Variants in CEACAM3 observed in about 807,000 individuals in gnomAD.
CEACAM3 encodes the protein cell adhesion molecule CEACAM3.
Under a neutral mutation model 30.1 loss-of-function variants are expected in CEACAM3, and 32 were observed. The ratio of observed to expected loss-of-function variants is 1.06; its 90% confidence interval spans 0.80 to 1.43. The LOEUF (loss-of-function observed/expected upper bound fraction) is 1.43, where lower values mean the gene tolerates loss of function less well. CEACAM3 is among the 40% of genes most tolerant of loss of function. The pLI, the probability that CEACAM3 is intolerant of heterozygous loss-of-function variation, is 0.00. For synonymous variants in CEACAM3, 134 were observed against 127.2 expected (o/e 1.05, Z -0.36); for missense variants, 290 against 316.3 (o/e 0.92, Z 0.63).
Position 41,808,908 on chromosome 19 carries a change from C to A in CEACAM3, c.520C>A (p.Leu174Met), listed in dbSNP as rs2073226137. 1 of 1,595,742 alleles carries A rather than the reference C, an allele frequency of 6.3e-7. No homozygotes were observed. ...VALVAALVCF[L>M]LLAKTGRTSI... is the part of the protein sequence containing the mutation. Reference sequence around the variant, plus strand: ...GCTGGTGGCCGCGCTGGTGTGTTTCCTGCTCCTTGCCAAAACTGGAAGGTA... The same window carrying A: ...GCTGGTGGCCGCGCTGGTGTGTTTCATGCTCCTTGCCAAAACTGGAAGGTA... The change falls in exon 3 of 7, where the codon CTG becomes ATG. Residue 174 changes from leucine (L) to methionine (M), a missense_variant. Physicochemically the swap from Leu to Met is conservative, Grantham distance 15. Coordinates refer to ENST00000357396, the MANE Select transcript of CEACAM3 (RefSeq NM_001815.5).
chr19:41,801,420 G>A (rs931987244), intron 2 of CEACAM3, among the ~76,000 whole-genome samples: 2 of 152,156 alleles, frequency 1.3e-5, no homozygotes, highest in African/African-American at 4.8e-5. Context: ...AGGGACGAGC[G>A]ACTCCTCCAC....
At chr19:41,807,647 C>A in intron 2 of CEACAM3, 1 of 1,181,728 alleles carries the variant, frequency 8.5e-7, no homozygotes, top group Non-Finnish European at 1.1e-6. Flanking sequence ...ACTCAGTGGA[C>A]AGATTGGGTT....
chr19:41,810,253 C>G, intron 4 of CEACAM3, 70 bp from the exon 5 acceptor site: 1 of 1,552,240 alleles, frequency 6.4e-7, no homozygotes, highest in South Asian at 1.2e-5. Flanking sequence ...CTGAGGACCC[C>G]CTACGCCTTC....
At chr19:41,809,437 C>G (rs969200456) in intron 3 of CEACAM3, 2 of 162,324 alleles carry the variant, frequency 1.2e-5, no homozygotes, top group Admixed American at 6.2e-5. Flanking sequence ...GATGGGAGAA[C>G]CTGGGCCTCA....
At chr19:41,802,190 C>T (rs2073155316) in intron 2 of CEACAM3, among the ~76,000 whole-genome samples, 1 of 152,178 alleles carries the variant, frequency 6.6e-6, no homozygotes, top group Admixed American at 6.5e-5. Flanking sequence ...CCCCAAAGCT[C>T]ATGGCTCATT....
Position 41,810,327 on chromosome 19 carries a change from T to C in CEACAM3, c.600T>C (p.Arg200=), listed in dbSNP as rs1488643536. 2.5e-6 allele frequency: 4 copies of C among 1,604,938 alleles called. No individual in the cohort carries two copies. Among genetic ancestry groups the C allele is most frequent in the Non-Finnish European group, 3.4e-6 (4 of 1,176,412 alleles). The change falls in exon 5 of 7, where the codon CGT becomes CGC. Residue 200 remains arginine, a synonymous_variant. Coordinates refer to ENST00000357396, the MANE Select transcript of CEACAM3 (RefSeq NM_001815.5). Reference sequence around the variant, plus strand: ...CACTCCTGTCTCTGTTTCCAGGCCGTGGTCCCTCCCACAGCTCTGCCTTCT... The same window carrying C: ...CACTCCTGTCTCTGTTTCCAGGCCGCGGTCCCTCCCACAGCTCTGCCTTCT... ...EQQPQALAPG[R]GPSHSSAFSM...
intron 2 of CEACAM3, among the ~76,000 whole-genome samples, chr19:41,800,308 C>T (rs560421873): frequency 2.6e-5 from 4 of 152,238 alleles, no homozygotes; most frequent in South Asian, 2.1e-4. Context: ...CTTGGTCTAG[C>T]GGTGACACTA....
At chr19:41,810,157 G>T in intron 4 of CEACAM3, 140 bp downstream of exon 4, 4 of 1,262,342 alleles carry the variant, frequency 3.2e-6, no homozygotes, top group Non-Finnish European at 4.5e-6. Context: ...TCACACAGGG[G>T]ACCCCAATTG....
rs149073935 is a variant in CEACAM3, at chr19:41,810,861, C to G, written c.657C>G (p.Pro219=). 4.5e-4 allele frequency: 733 copies of G among 1,613,528 alleles called. 1 individual carries two copies. Among genetic ancestry groups the G allele is most frequent in the Non-Finnish European group, 5.7e-4 (672 of 1,179,736 alleles). ...SMSPLSTAQA[P]LPNPRTAASI... is the part of the protein sequence containing the mutation. ...CCCCTCTCTCCACTGCCCAGGCCCC[C>G]CTACCCAACCCCAGGACAGCAGCTT... Residue 219 remains proline, a synonymous_variant, in exon 6 of 7, where the codon CCC becomes CCG. Transcript: ENST00000357396.
intron 2 of CEACAM3, among the ~76,000 whole-genome samples, chr19:41,804,712 A>G (rs1350013101): frequency 6.6e-6 from 1 of 152,222 alleles, no homozygotes; most frequent in Non-Finnish European, 1.5e-5. Flanking sequence ...GGTCTTCAGC[A>G]TTTAGCAGAC....
At chr19:41,810,704 C>T in intron 5 of CEACAM3, 128 bp from the exon 6 acceptor site, 2 of 894,994 alleles carry the variant, frequency 2.2e-6, no homozygotes, top group Admixed American at 4.4e-5. Flanking sequence ...GGAGGCTGAG[C>T]TCAGGGGCAG....
chr19:41,809,249 G>A lies in CEACAM3; in HGVS notation c.542+319G>A, dbSNP rs2073229294. 3 of 266,920 alleles carry A rather than the reference G, an allele frequency of 1.1e-5. No homozygotes were observed. In the South Asian group the frequency reaches 2.4e-4, roughly 21 times the overall value. The allele number at this position is 266,920 out of a possible 1,614,324, so 16.5% of individuals were successfully genotyped here. On this transcript the variant is annotated intron_variant, in intron 3 of 6. Coordinates refer to ENST00000357396, the MANE Select transcript of CEACAM3 (RefSeq NM_001815.5). Reference sequence around the variant, plus strand: ...GGAAGTAGGGAGGGAGGGAGGGAGGGCGTGCTCTGTACTTGGTACCTCCCA... The same window carrying A: ...GGAAGTAGGGAGGGAGGGAGGGAGGACGTGCTCTGTACTTGGTACCTCCCA...
At chr19:41,804,200 G>T (rs191716900) in intron 2 of CEACAM3, among the ~76,000 whole-genome samples, 6 of 152,272 alleles carry the variant, frequency 3.9e-5, no homozygotes, top group Admixed American at 3.9e-4. Context: ...ACATGTAATG[G>T]GAATACTGGT....
chr19:41,800,668 G>A (rs1262609467), intron 2 of CEACAM3, among the ~76,000 whole-genome samples: 2 of 152,152 alleles, frequency 1.3e-5, no homozygotes, highest in African/African-American at 4.8e-5. Flanking sequence ...GGCATAAGCT[G>A]TCTTTCTCTT....
Position 41,808,850 on chromosome 19 carries a change from C to T in CEACAM3, c.462C>T (p.Ala154=), listed in dbSNP as rs199861202. 8 of 1,611,644 alleles carry T rather than the reference C, an allele frequency of 5.0e-6. No homozygotes were observed. The highest frequency in any genetic ancestry group is 1.7e-4 in the Middle Eastern group (1 of 6,048). ...CAGGCCTTCCTGTGGGGGCCGTCGC[C>T]GGCATCGTGACCGGGGTCCTGGTCG... ...NAPGLPVGAV[A]GIVTGVLVGV... Residue 154 remains alanine, a synonymous_variant, in exon 3 of 7, where the codon GCC becomes GCT. Coordinates refer to ENST00000357396, the MANE Select transcript of CEACAM3 (RefSeq NM_001815.5).
chr19:41,811,119 C>T, intron 6 of CEACAM3, 53 bp from the exon 7 acceptor site: 1 of 1,584,854 alleles, frequency 6.3e-7, no homozygotes, highest in Non-Finnish European at 8.7e-7. Context: ...GGAGACGCCA[C>T]ACCCTGTTCT....
At chr19:41,805,370 C>A (rs1239811849) in intron 2 of CEACAM3, among the ~76,000 whole-genome samples, 1 of 148,568 alleles carries the variant, frequency 6.7e-6, no homozygotes, top group East Asian at 2.0e-4. Flanking sequence ...TGGCTCACTG[C>A]AACCTCCGCC....
rs1600513143 is a variant in CEACAM3 at position 41,797,365 on chromosome 19, G to C, written c.65-224G>C. 1.1e-5 allele frequency: 6 copies of C among 563,474 alleles called. No individual in the cohort carries two copies. In the East Asian group the frequency reaches 1.8e-4, roughly 17 times the overall value. The allele number at this position is 563,474 out of a possible 1,614,324, so 34.9% of individuals were successfully genotyped here. On this transcript the variant is annotated intron_variant, in intron 1 of 6. Transcript: ENST00000357396. ...GATGTGAGCAGGATCTGAGGGCAGT[G>C]GGGAGGGAGCCATGCAGACCCCTGG... is the stretch of plus-strand genomic sequence containing the variant.
chr19:41,797,299 C>T lies in CEACAM3; in HGVS notation c.65-290C>T, dbSNP rs1446607319. 1.7e-5 allele frequency: 7 copies of T among 418,844 alleles called. No homozygotes were observed. In the East Asian group the frequency reaches 2.9e-4, roughly 17 times the overall value. 25.9% of individuals were successfully genotyped at this position (418,844 alleles called of 1,614,324 possible). A position where few individuals can be genotyped will look rare whatever the true frequency, so the allele number is the denominator to read the frequency against. ...GTCAGAAAGGGAAGACCCAGGGTCTCTAGAGGAGGTGTCAGGGGAGGGATC... is the reference window on the plus strand; with the variant it reads ...GTCAGAAAGGGAAGACCCAGGGTCTTTAGAGGAGGTGTCAGGGGAGGGATC... On this transcript the variant is annotated intron_variant, in intron 1 of 6. Transcript: ENST00000357396.
Sources: allele counts gnomAD v4.1 joint callset (sites outside exome capture counted in the v4.1 genomes callset), GRCh38; gene constraint gnomAD v4.1.1; transcripts MANE v1.5; gene names NCBI Gene and HGNC (gene_info 2026-07-23, HGNC 2026-07-21).